ZP4: variants seen among roughly 807,000 people sequenced by gnomAD.
ZP4 encodes zona pellucida glycoprotein 4.
In ZP4, 62 loss-of-function variants were observed where a neutral mutation model predicts 62.3. The observed-to-expected ratio is 0.99, with a 90% CI of 0.81 to 1.23. The LOEUF (loss-of-function observed/expected upper bound fraction) is 1.23, where lower values mean the gene tolerates loss of function less well. ZP4 is among the 50% of genes most tolerant of loss of function. The pLI is 0.00. For missense variants in ZP4, 774 were observed against 656.0 expected, an observed-to-expected ratio of 1.18 and a Z score of -1.97; for synonymous variants, 289 against 247.3, an observed-to-expected ratio of 1.17 and a Z score of -1.58.
Position 237,886,035 on chromosome 1 carries a change from T to C in ZP4, c.840-149A>G, listed in dbSNP as rs12097207. ...TCCTGCCCTGCTGGGAGCTGTATTTTAGTTGGGGAGACCAATATACAAGTA... is the reference window on the plus strand; with the variant it reads ...TCCTGCCCTGCTGGGAGCTGTATTTCAGTTGGGGAGACCAATATACAAGTA... On this transcript the variant is annotated intron_variant, in intron 6 of 11. Coordinates refer to ENST00000366570, the MANE Select transcript of ZP4 (RefSeq NM_021186.5). The C allele has an allele frequency of 5.4e-3, 5,705 of 1,060,398 alleles. 117 individuals are homozygous for C. In the African/African-American group the frequency reaches 0.058, roughly 11 times the overall value. The allele number at this position is 1,060,398 out of a possible 1,614,324, so 65.7% of individuals were successfully genotyped here.
At chr1:237,883,943 G>A (rs1665005607) in intron 10 of ZP4, among the ~76,000 whole-genome samples, 2 of 147,664 alleles carry the variant, frequency 1.4e-5, no homozygotes, top group African/African-American at 2.6e-5. Context: ...CTGCATGACA[G>A]AGCAAGAACT....
chr1:237,889,311 T>C (rs1665181113), intron 3 of ZP4, among the ~76,000 whole-genome samples: 2 of 141,552 alleles, frequency 1.4e-5, no homozygotes, highest in African/African-American at 5.9e-5. Context: ...AAGAGATAGG[T>C]TGTATTTTTT....
chr1:237,885,817 G>A lies in ZP4; in HGVS notation c.909C>T (p.Leu303=). 6.2e-7 allele frequency: 1 copy of A among 1,614,186 alleles called. No individual in the cohort carries two copies. Among genetic ancestry groups the A allele is most frequent in the Non-Finnish European group, 8.5e-7 (1 of 1,180,036 alleles). Residue 303 remains leucine (L), a synonymous_variant, in exon 7 of 12, where the codon CTC becomes CTT. Transcript: ENST00000366570. ...SLPINVQVFT[L]PPPFPETQPG... ...GCTGGGTCTCAGGAAAGGGTGGTGG[G>A]AGAGTGAAAACCTGGACATTGATTG...
Position 237,885,229 on chromosome 1 carries a change from C to T in ZP4, c.1247G>A (p.Arg416His), listed in dbSNP as rs753993472. ...AAAGCTGAAGGTGAAGATGCTGAAG[C>T]GCTGGTGGTGAGAGGGAAATGGAAG... is the stretch of plus-strand genomic sequence containing the variant. Reference protein sequence around the residue: ...LDLPFPSHHQRFSIFTFSFVN... With the variant: ...LDLPFPSHHQHFSIFTFSFVN... The change falls in exon 9 of 12, where the codon CGC becomes CAC. Residue 416 changes from arginine (R) to histidine (H), a missense_variant. Coordinates refer to ENST00000366570, the MANE Select transcript of ZP4 (RefSeq NM_021186.5). 46 of 1,613,984 alleles carry T rather than the reference C, an allele frequency of 2.9e-5. No individual in the cohort carries two copies. Among genetic ancestry groups the T allele is most frequent in the East Asian group, 1.3e-4 (6 of 44,880 alleles).
Position 237,883,783 on chromosome 1 carries a change from A to G in ZP4, c.1391-937T>C, listed in dbSNP as rs578229121. ...AGAGGGAGAGAGAGGAAGAGAGAGG[A>G]AGAGAGAGGAAGAGAGAGGAAGAGA... On this transcript the variant is annotated intron_variant, in intron 10 of 11. Coordinates refer to ENST00000366570, the MANE Select transcript of ZP4 (RefSeq NM_021186.5). Among the ~76,000 whole-genome samples, 392 of 122,586 alleles carry G rather than the reference A, an allele frequency of 3.2e-3. 4 individuals carry two copies. The highest frequency in any genetic ancestry group is 4.7e-3 in the South Asian group (18 of 3,790). The allele number at this position is 122,586 out of a possible 152,430, so 80.4% of individuals were successfully genotyped here.
rs1311912738 is a variant in ZP4 at position 237,883,989 on chromosome 1, C to CAA, written c.1390+779_1390+780insTT. Among the ~76,000 whole-genome samples, 480 of 48,750 alleles carry CAA rather than the reference C, an allele frequency of 9.8e-3. 3 individuals are homozygous for CAA. The highest frequency in any genetic ancestry group is 0.024 in the South Asian group (23 of 950). The allele number at this position is 48,750 out of a possible 152,430, so 32.0% of individuals were successfully genotyped here. On this transcript the variant is annotated intron_variant, in intron 10 of 11. Transcript: ENST00000366570. ...ACAAACACACACACACACAAACACA[C>CAA]ACACACACACACACACACACACACA...
At chr1:237,885,648 T>A in intron 7 of ZP4, 68 bp from the exon 8 acceptor site, 4 of 1,595,238 alleles carry the variant, frequency 2.5e-6, no homozygotes, top group Non-Finnish European at 3.4e-6. Flanking sequence ...GTCACCCCTT[T>A]AAATAGCCCC....
Position 237,885,219 on chromosome 1 carries a change from G to A in ZP4, c.1257C>T (p.Ile419=), listed in dbSNP as rs1323826906. ...PFPSHHQRFS[I]FTFSFVNPTV... ...TAGGGTTCACAAAGCTGAAGGTGAA[G>A]ATGCTGAAGCGCTGGTGGTGAGAGG... The change falls in exon 9 of 12, where the codon ATC becomes ATT. Residue 419 remains isoleucine (I), a synonymous_variant. Transcript: ENST00000366570. The A allele has an allele frequency of 2.5e-6, 4 of 1,614,192 alleles. No homozygotes were observed. The highest frequency in any genetic ancestry group is 3.4e-6 in the Non-Finnish European group (4 of 1,180,038).
At chr1:237,883,627 AGGGGGAGGGG>A (rs1203959445) in intron 10 of ZP4, among the ~76,000 whole-genome samples, 154 of 12,322 alleles carry the variant, frequency 0.012, 2 homozygotes, top group Non-Finnish European at 0.022. Context: ...GGTGGGAGAG[AGGGGGAGGGG>A]GAGGGCGGGG....
At chr1:237,889,530 C>T (rs777324572) in intron 3 of ZP4, among the ~76,000 whole-genome samples, 13 of 152,064 alleles carry the variant, frequency 8.5e-5, no homozygotes, top group African/African-American at 3.1e-4. Flanking sequence ...GTTGGTCAGG[C>T]TGGACTCCAA....
chr1:237,888,136 G>A (rs376745592), intron 4 of ZP4, among the ~76,000 whole-genome samples: 2 of 152,228 alleles, frequency 1.3e-5, no homozygotes, highest in African/African-American at 4.8e-5. Context: ...CTGGCACATA[G>A]CCTTCAAGTC....
chr1:237,889,835 C>T (rs1339543228), intron 3 of ZP4, 32 bp downstream of exon 3: 7 of 1,552,374 alleles, frequency 4.5e-6, no homozygotes, highest in Non-Finnish European at 6.2e-6. Context: ...CCCCACCACC[C>T]CCACAAGACC....
intron 9 of ZP4, 92 bp downstream of exon 9, chr1:237,885,073 C>T (rs1357493808): frequency 6.5e-7 from 1 of 1,528,268 alleles, no homozygotes; most frequent in Non-Finnish European, 8.8e-7. Context: ...CATTAAAGGG[C>T]TTCCTTGGCT....
intron 3 of ZP4, among the ~76,000 whole-genome samples, chr1:237,889,229 G>T (rs1192175948): frequency 6.6e-6 from 1 of 151,944 alleles, no homozygotes; most frequent in East Asian, 1.9e-4. Context: ...AAAAGCTCCT[G>T]GTTCTGGGAG....
At chr1:237,883,995 C>CAAACACACACAA (rs1446820456) in intron 10 of ZP4, among the ~76,000 whole-genome samples, 5 of 71,984 alleles carry the variant, frequency 6.9e-5, no homozygotes, top group African/African-American at 3.0e-4. Context: ...CACACACACA[C>CAAACACACACAA]ACACACACAC....
chr1:237,885,700 C>A (rs1321880439), intron 7 of ZP4, 56 bp downstream of exon 7: 15 of 1,604,008 alleles, frequency 9.4e-6, no homozygotes, highest in Non-Finnish European at 1.1e-5. Flanking sequence ...GGTCTTCATG[C>A]CCCAGAAGAC....
In ZP4 at chr1:237,882,467, C is replaced by A. The variant is rs1411917579; in HGVS notation, c.1578G>T (p.Leu526Phe). 1.9e-6 allele frequency: 3 copies of A among 1,609,914 alleles called. No homozygotes were observed. The East Asian group carries it at 6.7e-5, about 36-fold the overall frequency. ...LILGALLVSY[L>F]AVKKQKSCPD... ...GGCAACTCTTCTGTTTCTTGACAGC[C>A]AAGTAGGATACTAACAAGGCTCCAA... Residue 526 changes from leucine (L) to phenylalanine (F), a missense_variant, in exon 12 of 12, where the codon TTG becomes TTT. Physicochemically the swap from Leu to Phe is conservative, Grantham distance 22. Coordinates refer to ENST00000366570, the MANE Select transcript of ZP4 (RefSeq NM_021186.5).
chr1:237,884,009 CACACACAA>C lies in ZP4; in HGVS notation c.1390+752_1390+759del, dbSNP rs1414755253. On this transcript the variant is annotated intron_variant, in intron 10 of 11. Transcript: ENST00000366570. ...ACACACACACACACACACACACACA[CACACACAA>C]ACACACACACACACAAACACACACA... Among the ~76,000 whole-genome samples the C allele has an allele frequency of 9.3e-3, 746 of 80,540 alleles. 15 individuals are homozygous for C. Among genetic ancestry groups the C allele is most frequent in the East Asian group, 0.028 (68 of 2,408 alleles). 52.8% of individuals were successfully genotyped at this position (80,540 alleles called of 152,430 possible).
At position 237,890,906 on chromosome 1, in the gene ZP4, A is replaced by G. The variant is rs546564072; in HGVS notation, c.-271T>C. ...ATGTAGTAACTTTTAGCTAACAGAA[A>G]GGAAGGAAAGAAAGCTTCCTCAGGG... is the stretch of plus-strand genomic sequence containing the variant. On this transcript the variant is annotated 5_prime_UTR_variant, in exon 1 of 12. Transcript: ENST00000366570. 27 of 341,194 alleles carry G rather than the reference A, an allele frequency of 7.9e-5. No homozygotes were observed. Among genetic ancestry groups the G allele is most frequent in the African/African-American group, 3.6e-4 (17 of 47,238 alleles). The allele number at this position is 341,194 out of a possible 1,614,324, so 21.1% of individuals were successfully genotyped here.
Sources: gnomAD v4.1 joint callset for allele counts (sites outside exome capture counted in the v4.1 genomes callset) on GRCh38, gnomAD v4.1.1 for gene constraint, MANE v1.5 for transcripts, NCBI Gene and HGNC (gene_info 2026-07-23, HGNC 2026-07-21) for gene names.